Variants in CLSTN2 observed in about 807,000 individuals in gnomAD.
CLSTN2 encodes calsyntenin 2.
In CLSTN2, 48 loss-of-function variants were observed where a neutral mutation model predicts 101.2. The observed-to-expected ratio is 0.47, with a 90% CI of 0.38 to 0.60. CLSTN2 has a LOEUF of 0.60. Among genes scored for constraint, CLSTN2 ranks in the 20% least tolerant of loss-of-function variants. The pLI is 0.00. For missense variants in CLSTN2, 1,160 were observed against 1,238.2 expected (o/e 0.94, Z 0.95); for synonymous variants, 481 against 463.6 (o/e 1.04, Z -0.48).
At chr3:140,519,758 T>G (rs1258930044) in intron 8 of CLSTN2, among the ~76,000 whole-genome samples, 1 of 152,202 alleles carries the variant, frequency 6.6e-6, no homozygotes, top group Admixed American at 6.5e-5. Context: ...TCTTGGCTCT[T>G]TATCCAGCTT....
At chr3:140,126,755 G>C (rs554462587) in intron 1 of CLSTN2, among the ~76,000 whole-genome samples, 1 of 152,126 alleles carries the variant, frequency 6.6e-6, no homozygotes, top group Admixed American at 6.5e-5. Context: ...AAGCACCTTT[G>C]TATGCATTCA....
chr3:140,212,841 T>G (rs1199223538), intron 2 of CLSTN2, among the ~76,000 whole-genome samples: 1 of 152,148 alleles, frequency 6.6e-6, no homozygotes, highest in Non-Finnish European at 1.5e-5. Flanking sequence ...TGGACACCCA[T>G]CCCTGTGCTC....
At chr3:140,242,066 C>A (rs937730804) in intron 2 of CLSTN2, among the ~76,000 whole-genome samples, 1 of 152,056 alleles carries the variant, frequency 6.6e-6, no homozygotes, top group South Asian at 2.1e-4. Flanking sequence ...CGCCACCATG[C>A]CTGGCTGGCT....
chr3:140,010,456 G>T (rs564474556), intron 1 of CLSTN2, among the ~76,000 whole-genome samples: 2 of 152,192 alleles, frequency 1.3e-5, no homozygotes, highest in Non-Finnish European at 2.9e-5. Flanking sequence ...TCTGGCAGGC[G>T]CTCCTCTCTG....
At chr3:140,316,002 A>G (rs1194683648) in intron 2 of CLSTN2, among the ~76,000 whole-genome samples, 1 of 152,138 alleles carries the variant, frequency 6.6e-6, no homozygotes, top group African/African-American at 2.4e-5. Flanking sequence ...AAGATAGTGC[A>G]TTTACCCTTG....
chr3:140,092,290 GA>G (rs904673109), intron 1 of CLSTN2, among the ~76,000 whole-genome samples: 1 of 152,120 alleles, frequency 6.6e-6, no homozygotes, highest in African/African-American at 2.4e-5. Flanking sequence ...ATTCTGCCAG[GA>G]AAAAAGTGAG....
intron 2 of CLSTN2, among the ~76,000 whole-genome samples, chr3:140,311,062 A>G (rs1479056793): frequency 1.3e-5 from 2 of 152,138 alleles, no homozygotes; most frequent in Non-Finnish European, 2.9e-5. Flanking sequence ...CAGTGCCACA[A>G]CAGCAGAGAG....
chr3:140,371,628 A>C (rs1576537095), intron 2 of CLSTN2, among the ~76,000 whole-genome samples: 1 of 152,152 alleles, frequency 6.6e-6, no homozygotes, highest in South Asian at 2.1e-4. Flanking sequence ...ATCCTTCCTC[A>C]CAGAAAGACA....
chr3:140,273,237 G>A (rs1366683989), intron 2 of CLSTN2, among the ~76,000 whole-genome samples: 2 of 152,048 alleles, frequency 1.3e-5, no homozygotes, highest in South Asian at 4.2e-4. Flanking sequence ...GGCAGGGAGA[G>A]CATTAGGACA....
chr3:139,988,499 TG>T (rs1475051471), intron 1 of CLSTN2, among the ~76,000 whole-genome samples: 6 of 152,230 alleles, frequency 3.9e-5, no homozygotes, highest in African/African-American at 1.4e-4. Context: ...ATGTACTGGC[TG>T]CTCTGCTAGG....
At chr3:140,006,999 AAATAC>A (rs2006972305) in intron 1 of CLSTN2, among the ~76,000 whole-genome samples, 1 of 152,238 alleles carries the variant, frequency 6.6e-6, no homozygotes, top group South Asian at 2.1e-4. Flanking sequence ...GATTTCAAAT[AAATAC>A]AAGATTAGCG....
At chr3:140,256,364 G>A (rs1023342545) in intron 2 of CLSTN2, among the ~76,000 whole-genome samples, 3 of 152,178 alleles carry the variant, frequency 2.0e-5, no homozygotes, top group Non-Finnish European at 4.4e-5. Context: ...AGTCCCCTGT[G>A]GAAAATATGT....
At chr3:140,557,366 C>A (rs1429194765) in intron 11 of CLSTN2, among the ~76,000 whole-genome samples, 2 of 152,056 alleles carry the variant, frequency 1.3e-5, no homozygotes, top group African/African-American at 4.8e-5. Flanking sequence ...CTGGGACAGG[C>A]ACCAGAAAAA....
chr3:140,364,671 A>C (rs1329533592), intron 2 of CLSTN2, among the ~76,000 whole-genome samples: 1 of 152,172 alleles, frequency 6.6e-6, no homozygotes, highest in African/African-American at 2.4e-5. Flanking sequence ...TTGGATAATG[A>C]GGCAGGGGGA....
intron 10 of CLSTN2, among the ~76,000 whole-genome samples, chr3:140,555,729 G>A (rs1935778741): frequency 1.3e-5 from 2 of 152,098 alleles, no homozygotes; most frequent in African/African-American, 2.4e-5. Context: ...ATAATTCAGG[G>A]CAGTACAAAG....
At chr3:140,364,342 G>A (rs976663382) in intron 2 of CLSTN2, among the ~76,000 whole-genome samples, 1 of 152,218 alleles carries the variant, frequency 6.6e-6, no homozygotes, top group East Asian at 1.9e-4. Context: ...CTGTCCTAGG[G>A]TATCATTCCC....
chr3:140,132,549 G>A (rs970796370), intron 1 of CLSTN2, among the ~76,000 whole-genome samples: 4 of 152,180 alleles, frequency 2.6e-5, no homozygotes, highest in Non-Finnish European at 5.9e-5. Flanking sequence ...GAAATGAGGA[G>A]TTGTTTAGTA....
At chr3:139,986,141 C>T (rs149144556) in intron 1 of CLSTN2, among the ~76,000 whole-genome samples, 88 of 152,124 alleles carry the variant, frequency 5.8e-4, no homozygotes, top group East Asian at 2.3e-3. Context: ...ATGATATTAG[C>T]GAGGAAACAG....
intron 1 of CLSTN2, among the ~76,000 whole-genome samples, chr3:140,138,869 C>G (rs965411604): frequency 2.0e-5 from 3 of 152,148 alleles, no homozygotes; most frequent in Admixed American, 6.5e-5. Flanking sequence ...TTTTAAGAGG[C>G]AGTGTCGGCA....
Sources: gnomAD v4.1 joint callset for allele counts (sites outside exome capture counted in the v4.1 genomes callset) on GRCh38, gnomAD v4.1.1 for gene constraint, MANE v1.5 for transcripts, NCBI Gene and HGNC (gene_info 2026-07-23, HGNC 2026-07-21) for gene names.